The following SOX6 variants were observed in gnomAD, a reference collection of about 807,000 sequenced individuals.
SOX6 encodes transcription factor SOX-6.
A neutral mutation model predicts 97.8 loss-of-function variants in SOX6; 11 were observed. The ratio of observed to expected loss-of-function variants is 0.11; its 90% CI spans 0.07 to 0.19. The LOEUF is 0.19. Among genes scored for constraint, SOX6 ranks in the 10% least tolerant of loss-of-function variants. The pLI is 1.00. For missense variants in SOX6, 810 were observed against 1,039.5 expected (o/e 0.78, Z 3.04); for synonymous variants, 360 against 371.4 (o/e 0.97, Z 0.35).
chr11:16,612,739 C>A (rs1848414297), intron 3 of SOX6, among the ~76,000 whole-genome samples: 1 of 152,038 alleles, frequency 6.6e-6, no homozygotes, highest in South Asian at 2.1e-4. Flanking sequence ...CCATTTCTCC[C>A]CCACGTCACC....
intron 1 of SOX6, among the ~76,000 whole-genome samples, chr11:16,476,036 G>A (rs1860240303): frequency 6.6e-6 from 1 of 152,048 alleles, no homozygotes; most frequent in Admixed American, 6.6e-5. Flanking sequence ...CTACAATTGA[G>A]CCCTATTCTC....
intron 3 of SOX6, among the ~76,000 whole-genome samples, chr11:16,238,195 T>C (rs1853081579): frequency 6.6e-6 from 1 of 152,030 alleles, no homozygotes; most frequent in Non-Finnish European, 1.5e-5. Context: ...TTCTCACCTA[T>C]AATTTAAGCA....
Position 16,610,289 on chromosome 11 carries a change from G to A in SOX6, n.609+1792C>T, listed in dbSNP as rs1590006915. ...TCTCAAAGACCAAGTCCTCAGGGAA[G>A]AGCCACCTAGAGAGGTGAAACATTA... On this transcript the variant is annotated intron_variant and non_coding_transcript_variant, in intron 4 of 5. Coordinates refer to the SOX6 transcript ENST00000524520. The surrounding 1 kb of genome is among the most constrained non-coding windows in gnomAD (Gnocchi z 4.4). Among the ~76,000 whole-genome samples the A allele has an allele frequency of 6.6e-6, 1 of 152,350 alleles. No individual in the cohort carries two copies. The highest frequency in any genetic ancestry group is 1.9e-4 in the East Asian group (1 of 5,178).
intron 1 of SOX6, among the ~76,000 whole-genome samples, chr11:16,471,233 A>G (rs762832358): frequency 5.9e-5 from 9 of 152,188 alleles, no homozygotes; most frequent in Non-Finnish European, 1.0e-4. Context: ...TGCTTACTTT[A>G]GGAAAAGAAA....
intron 3 of SOX6, among the ~76,000 whole-genome samples, chr11:16,615,070 T>G (rs1285545412): frequency 6.6e-6 from 1 of 152,226 alleles, no homozygotes; most frequent in African/African-American, 2.4e-5. Flanking sequence ...CCCTGTTTCA[T>G]GCCACAGCCT....
intron 3 of SOX6, among the ~76,000 whole-genome samples, chr11:16,259,954 T>C (rs1417447608): frequency 6.6e-6 from 1 of 151,390 alleles, no homozygotes; most frequent in Non-Finnish European, 1.5e-5. Context: ...TATGTGTGTG[T>C]GTGTGTGTGT....
At chr11:16,457,605 T>C (rs1443403122) in intron 1 of SOX6, among the ~76,000 whole-genome samples, 1 of 152,108 alleles carries the variant, frequency 6.6e-6, no homozygotes, top group Non-Finnish European at 1.5e-5. Context: ...TTGCATCAAG[T>C]GAAGCCCTAG....
intron 6 of SOX6, among the ~76,000 whole-genome samples, chr11:16,152,419 A>G (rs1850482968): frequency 6.6e-6 from 1 of 152,216 alleles, no homozygotes; most frequent in Non-Finnish European, 1.5e-5. Context: ...ACAAACAAAT[A>G]TAAAGGTATC....
At chr11:16,314,238 C>T (rs370362805) in intron 3 of SOX6, 77 of 152,180 alleles carry the variant, frequency 5.1e-4, no homozygotes, top group African/African-American at 1.8e-3. Flanking sequence ...AATTTAGAAC[C>T]TGAACTATTG....
At chr11:16,033,099 G>A (rs975597349) in intron 12 of SOX6, among the ~76,000 whole-genome samples, 1 of 152,086 alleles carries the variant, frequency 6.6e-6, no homozygotes, top group Admixed American at 6.6e-5. Context: ...GTCAGAAAGA[G>A]ACCAGTCAAT....
intron 2 of SOX6, among the ~76,000 whole-genome samples, chr11:16,336,094 T>C (rs888980269): frequency 4.6e-5 from 7 of 152,182 alleles, no homozygotes; most frequent in African/African-American, 1.7e-4. Flanking sequence ...CTTAGACTAG[T>C]AGTTAAAAGC....
chr11:16,454,184 G>A (rs1393927), intron 1 of SOX6, among the ~76,000 whole-genome samples: 46,688 of 151,890 alleles, frequency 0.31, 8,085 homozygotes, highest in Non-Finnish European at 0.39. Flanking sequence ...CCAGGAGTAC[G>A]ATTATTTTTT....
intron 1 of SOX6, among the ~76,000 whole-genome samples, chr11:16,428,778 C>G (rs1859208352): frequency 1.3e-5 from 2 of 152,138 alleles, no homozygotes; most frequent in African/African-American, 4.8e-5. Flanking sequence ...CAGCTTTGTT[C>G]TTTTGGCTTA....
intron 3 of SOX6, among the ~76,000 whole-genome samples, chr11:16,255,695 C>A (rs184658622): frequency 1.9e-3 from 290 of 151,478 alleles, no homozygotes; most frequent in Non-Finnish European, 3.1e-3. Context: ...AAATTGAGTA[C>A]AAAGTAAGAG....
At chr11:16,036,386 A>G (rs1671105906) in intron 12 of SOX6, among the ~76,000 whole-genome samples, 1 of 151,924 alleles carries the variant, frequency 6.6e-6, no homozygotes, top group Non-Finnish European at 1.5e-5. Flanking sequence ...GCCTGATTCA[A>G]CTCTTCTTAT....
At chr11:16,667,180 C>T (rs1293369937) in intron 3 of SOX6, among the ~76,000 whole-genome samples, 1 of 151,716 alleles carries the variant, frequency 6.6e-6, no homozygotes, top group African/African-American at 2.4e-5. Context: ...ATGAAGTTTG[C>T]AGTGAACCGA....
intron 2 of SOX6, among the ~76,000 whole-genome samples, chr11:16,329,495 T>C (rs4757392): frequency 6.6e-6 from 1 of 151,850 alleles, no homozygotes; most frequent in Non-Finnish European, 1.5e-5. Context: ...AATAATAAAA[T>C]AGTTAACAAA....
At chr11:16,344,685 C>T (rs574395109) in intron 1 of SOX6, among the ~76,000 whole-genome samples, 3 of 152,122 alleles carry the variant, frequency 2.0e-5, no homozygotes, top group African/African-American at 4.8e-5. Flanking sequence ...CTTACTTTAG[C>T]TGCTGCCTTA....
chr11:16,256,667 C>T (rs1003199284), intron 3 of SOX6, among the ~76,000 whole-genome samples: 1 of 151,826 alleles, frequency 6.6e-6, no homozygotes, highest in African/African-American at 2.4e-5. Context: ...TCCCCTCTTA[C>T]CACTGTTTTT....
Sources: allele counts gnomAD v4.1 joint callset (sites outside exome capture counted in the v4.1 genomes callset), GRCh38; gene constraint gnomAD v4.1.1; non-coding constraint Gnocchi (gnomAD v3.1); transcripts MANE v1.5; gene names NCBI Gene and HGNC (gene_info 2026-07-23, HGNC 2026-07-21).